NEBL: variants seen among roughly 807,000 people sequenced by gnomAD.
NEBL encodes LIM and SH3 protein 2.
In NEBL, 122 loss-of-function variants were observed where a neutral mutation model predicts 140.2. That is an observed-to-expected ratio of 0.87 (90% CI 0.75 to 1.01). The LOEUF is 1.01. Ranked by LOEUF, NEBL falls within the 50% of genes least tolerant of loss-of-function variation. NEBL has a pLI of 0.00. For missense variants in NEBL, 1,365 were observed against 1,231.3 expected, an observed-to-expected ratio of 1.11 and a Z score of -1.62; for synonymous variants, 436 against 398.9, an observed-to-expected ratio of 1.09 and a Z score of -1.11.
chr10:21,180,383 C>T (rs889804906), intron 3 of NEBL, among the ~76,000 whole-genome samples: 3 of 152,194 alleles, frequency 2.0e-5, no homozygotes, highest in African/African-American at 7.2e-5. Flanking sequence ...ATGATTCCTT[C>T]TCGTTGTTGT....
At chr10:21,266,417 C>T (rs1167836074) in intron 1 of NEBL, among the ~76,000 whole-genome samples, 3 of 152,244 alleles carry the variant, frequency 2.0e-5, no homozygotes, top group East Asian at 1.9e-4. Flanking sequence ...GTTAGGATTA[C>T]AGGCATGAGC....
intron 19 of NEBL, among the ~76,000 whole-genome samples, 198 bp from the exon 20 acceptor site, chr10:20,819,714 TTTGTTG>T (rs143964236): frequency 6.6e-6 from 1 of 151,896 alleles, no homozygotes; most frequent in South Asian, 2.1e-4. Context: ...GTCAAGTGGT[TTTGTTG>T]TTGTTGTTGT....
At chr10:21,258,055 C>T (rs541553646) in intron 1 of NEBL, among the ~76,000 whole-genome samples, 2 of 152,164 alleles carry the variant, frequency 1.3e-5, no homozygotes, top group East Asian at 1.9e-4. Flanking sequence ...AAGATGATTC[C>T]GGGAAACAGG....
intron 4 of NEBL, among the ~76,000 whole-genome samples, chr10:20,924,903 A>G (rs1284318445): frequency 6.6e-6 from 1 of 152,114 alleles, no homozygotes; most frequent in Non-Finnish European, 1.5e-5. Flanking sequence ...GTAACTTGGA[A>G]GAACAAAGGA....
chr10:21,288,429 C>G (rs2132304329), intron 1 of NEBL, among the ~76,000 whole-genome samples: 1 of 151,916 alleles, frequency 6.6e-6, no homozygotes, highest in East Asian at 2.0e-4. Context: ...GATCGTGCCA[C>G]TGCACTCCAG....
At chr10:20,868,186 T>C (rs1844514759) in intron 7 of NEBL, 1 of 153,418 alleles carries the variant, frequency 6.5e-6, no homozygotes, top group South Asian at 2.0e-4. Flanking sequence ...TTTCAGATCT[T>C]ATTTTATGCT....
intron 3 of NEBL, among the ~76,000 whole-genome samples, chr10:21,194,054 A>C (rs930463295): frequency 2.0e-5 from 3 of 152,292 alleles, no homozygotes; most frequent in African/African-American, 7.2e-5. Context: ...AGCTTACTGC[A>C]GTCTCGAACT....
At chr10:21,040,397 G>T (rs1269745239) in intron 2 of NEBL, among the ~76,000 whole-genome samples, 1 of 152,206 alleles carries the variant, frequency 6.6e-6, no homozygotes, top group Non-Finnish European at 1.5e-5. Context: ...TGCACAGGGT[G>T]CATGGCACCA....
chr10:20,858,166 A>G, intron 9 of NEBL, 74 bp downstream of exon 9: 1 of 1,151,106 alleles, frequency 8.7e-7, no homozygotes, highest in Non-Finnish European at 1.3e-6. Context: ...GCAGGTGAGC[A>G]CATGAACGCT....
chr10:21,155,921 C>T (rs993364398), intron 2 of NEBL, among the ~76,000 whole-genome samples: 1 of 152,124 alleles, frequency 6.6e-6, no homozygotes, highest in Admixed American at 6.6e-5. Context: ...GAACAGAGGC[C>T]CCAAGAGGTG....
At chr10:21,191,626 C>A (rs1841575403) in intron 3 of NEBL, among the ~76,000 whole-genome samples, 1 of 152,212 alleles carries the variant, frequency 6.6e-6, no homozygotes, top group African/African-American at 2.4e-5. Flanking sequence ...GTGAAACCAG[C>A]ATTTGCTACT....
intron 26 of NEBL, among the ~76,000 whole-genome samples, chr10:20,799,923 A>C (rs1245511044): frequency 7.5e-6 from 1 of 133,594 alleles, no homozygotes; most frequent in African/African-American, 3.0e-5. Context: ...ACCATCTGGC[A>C]CGTGTGTGTG....
chr10:21,049,705 T>C (rs1324974337), intron 2 of NEBL, among the ~76,000 whole-genome samples: 1 of 152,164 alleles, frequency 6.6e-6, no homozygotes, highest in Non-Finnish European at 1.5e-5. Context: ...TTACTGCTGG[T>C]TCACTGTTCT....
chr10:21,147,637 G>A lies in NEBL; in HGVS notation c.164+24746C>T, dbSNP rs911532904. 7.2e-5 allele frequency among the ~76,000 whole-genome samples: 11 copies of A among 152,226 alleles called. No individual in the cohort carries two copies. The East Asian group carries it at 7.7e-4, about 11-fold the overall frequency. On this transcript the variant is annotated intron_variant, in intron 2 of 6. Coordinates refer to the NEBL transcript ENST00000417816. ...CCAGGGAGTCCTTGATATTTACCAC[G>A]GTTCAAGCCTACATCCCTGAGTAAG... is the stretch of plus-strand genomic sequence containing the variant.
At chr10:21,157,230 T>C (rs1469896928) in intron 2 of NEBL, among the ~76,000 whole-genome samples, 2 of 152,238 alleles carry the variant, frequency 1.3e-5, no homozygotes, top group Non-Finnish European at 1.5e-5. Flanking sequence ...TTTTTAACAC[T>C]GATCTTTTAT....
At chr10:21,253,304 C>T (rs1842610467) in intron 1 of NEBL, among the ~76,000 whole-genome samples, 1 of 152,090 alleles carries the variant, frequency 6.6e-6, no homozygotes, top group Non-Finnish European at 1.5e-5. Context: ...AAGCCAGAGA[C>T]TACTGACTGT....
At chr10:21,142,030 G>T (rs1041876176) in intron 2 of NEBL, among the ~76,000 whole-genome samples, 2 of 152,148 alleles carry the variant, frequency 1.3e-5, no homozygotes, top group African/African-American at 4.8e-5. Flanking sequence ...CTCCAGCCTG[G>T]CCGGGATTAA....
rs1343916986 is a variant in NEBL at position 20,854,178 on chromosome 10, A to C, written c.904-1529T>G. Among the ~76,000 whole-genome samples, 4 of 152,358 alleles carry C rather than the reference A, an allele frequency of 2.6e-5. No individual in the cohort carries two copies. In the East Asian group the frequency reaches 5.8e-4, roughly 22 times the overall value. On this transcript the variant is annotated intron_variant, in intron 9 of 27. Transcript: ENST00000377122. ...AGACTCAAGGCTACAGAGACTTAAG[A>C]AGCTAAAGATAGCTGCTTATTAGAC...
intron 1 of NEBL, among the ~76,000 whole-genome samples, chr10:21,286,432 G>A (rs548549041): frequency 3.5e-4 from 53 of 152,280 alleles, no homozygotes; most frequent in Non-Finnish European, 6.5e-4. Context: ...GAAGAAAATT[G>A]CCATATTAAG....
Sources: allele counts gnomAD v4.1 joint callset (sites outside exome capture counted in the v4.1 genomes callset), GRCh38; gene constraint gnomAD v4.1.1; transcripts MANE v1.5; gene names NCBI Gene and HGNC (gene_info 2026-07-23, HGNC 2026-07-21).